The following WDR11 variants were observed in gnomAD, a reference collection of about 807,000 sequenced individuals.
WDR11 encodes WD repeat-containing protein 11.
Under a neutral mutation model 151.2 loss-of-function variants are expected in WDR11, and 83 were observed. The ratio of observed to expected loss-of-function variants is 0.55; its 90% CI spans 0.46 to 0.66. WDR11 has a LOEUF of 0.66. Among genes scored for constraint, WDR11 ranks in the 30% least tolerant of loss-of-function variants. The probability of loss-of-function intolerance (pLI) is 0.00; values close to 1 mark genes in which losing one functional copy is unlikely to be tolerated. For missense variants in WDR11, 1,301 were observed against 1,480.9 expected (o/e 0.88, Z 1.99); for synonymous variants, 484 against 533.1 (o/e 0.91, Z 1.27).
chr10:120,906,987 T>TGG, intron 28 of WDR11, 132 bp downstream of exon 28: 1 of 1,386,988 alleles, frequency 7.2e-7, no homozygotes, highest in Non-Finnish European at 1.0e-6. Flanking sequence ...GATTTTCTGA[T>TGG]TCACCAAAGC....
chr10:120,854,410 A>T (rs1845880405), intron 2 of WDR11, among the ~76,000 whole-genome samples: 1 of 152,188 alleles, frequency 6.6e-6, no homozygotes, highest in Admixed American at 6.5e-5. Flanking sequence ...CATTTATTTT[A>T]TTGATGGACA....
chr10:120,887,327 G>T (rs1216075693), intron 16 of WDR11, among the ~76,000 whole-genome samples: 1 of 152,132 alleles, frequency 6.6e-6, no homozygotes, highest in Non-Finnish European at 1.5e-5. Flanking sequence ...TTATGGCCTT[G>T]TGGAATCTGT....
At chr10:120,873,660 T>C (rs191550730) in intron 10 of WDR11, among the ~76,000 whole-genome samples, 179 bp from the exon 11 acceptor site, 9 of 152,214 alleles carry the variant, frequency 5.9e-5, no homozygotes, top group Admixed American at 1.3e-4. Context: ...CCATTTTTTT[T>C]ATAAGGAAGT....
At chr10:120,857,098 AT>A (rs1321922988) in intron 2 of WDR11, among the ~76,000 whole-genome samples, 1 of 151,968 alleles carries the variant, frequency 6.6e-6, no homozygotes, top group East Asian at 1.9e-4. Context: ...ATATGTATGT[AT>A]TTTTTGCAAG....
intron 17 of WDR11, chr10:120,889,664 G>C: frequency 1.8e-6 from 1 of 542,664 alleles, no homozygotes; most frequent in South Asian, 2.0e-5. Flanking sequence ...GATGGGCCTT[G>C]AGCCAAGCAT....
At chr10:120,864,417 C>A (rs1325962068) in intron 5 of WDR11, among the ~76,000 whole-genome samples, 1 of 152,128 alleles carries the variant, frequency 6.6e-6, no homozygotes, top group Non-Finnish European at 1.5e-5. Context: ...ATGTATGCAA[C>A]AATCACAAAT....
rs773796070 is a variant in WDR11, at chr10:120,908,623, A to G, written c.3585A>G (p.Gly1195=). 2 of 1,614,060 alleles carry G rather than the reference A, an allele frequency of 1.2e-6. No individual in the cohort carries two copies. Among genetic ancestry groups the G allele is most frequent in the Non-Finnish European group, 1.7e-6 (2 of 1,180,032 alleles). ...TGAAGAACCTCGGTTTTAAGCAGGG[A>G]GCAGTTCTCTTTGCTTCAAAAGCCG... is the stretch of plus-strand genomic sequence containing the variant. ...RSLKNLGFKQ[G]AVLFASKAGA... The change falls in exon 29 of 29, where the codon GGA becomes GGG. Residue 1195 remains glycine (G), a synonymous_variant. Coordinates refer to ENST00000263461, the MANE Select transcript of WDR11 (RefSeq NM_018117.12).
intron 17 of WDR11, 150 bp from the exon 18 acceptor site, chr10:120,889,745 T>C: frequency 1.5e-6 from 1 of 683,500 alleles, no homozygotes. Context: ...AGGCCCTTTC[T>C]GTCAGATGTG....
intron 23 of WDR11, 121 bp downstream of exon 23, chr10:120,903,353 C>T (rs1847902902): frequency 5.5e-6 from 7 of 1,280,776 alleles, no homozygotes; most frequent in South Asian, 1.3e-5. Context: ...GAAATAAGCC[C>T]TTGAAAATTA....
rs745654343 is a variant in WDR11, at chr10:120,867,099, G to C, written c.1224G>C (p.Val408=). ...SSGVSPLYSP[V]SFCGIPVGVL... is the part of the protein sequence containing the mutation. ...GTGTGTCACCTTTATATTCACCAGT[G>C]TCTTTCTGTGGAATTCCTGTAGGAG... Residue 408 remains valine (V), a synonymous_variant, in exon 9 of 29, where the codon GTG becomes GTC. Transcript: ENST00000263461. The C allele has an allele frequency of 6.2e-7, 1 of 1,613,804 alleles. No individual in the cohort carries two copies. The highest frequency in any genetic ancestry group is 8.5e-7 in the Non-Finnish European group (1 of 1,179,888).
intron 24 of WDR11, 108 bp from the exon 25 acceptor site, chr10:120,904,538 C>T: frequency 7.4e-7 from 1 of 1,348,496 alleles, no homozygotes; most frequent in South Asian, 1.2e-5. Context: ...TATTCAATTG[C>T]ATTTTTTGAA....
At chr10:120,870,337 A>T (rs1035492561) in intron 9 of WDR11, among the ~76,000 whole-genome samples, 3 of 152,202 alleles carry the variant, frequency 2.0e-5, no homozygotes, top group Non-Finnish European at 2.9e-5. Flanking sequence ...ATGTATGTAT[A>T]TACTCATGCA....
intron 15 of WDR11, 92 bp from the exon 16 acceptor site, chr10:120,886,597 A>G (rs1260795041): frequency 6.6e-7 from 1 of 1,506,092 alleles, no homozygotes; most frequent in South Asian, 1.2e-5. Context: ...ACCTCCTCTT[A>G]ATGCGTCTGT....
At chr10:120,895,556 C>T (rs149876565) in intron 19 of WDR11, among the ~76,000 whole-genome samples, 25 of 151,370 alleles carry the variant, frequency 1.7e-4, no homozygotes, top group Middle Eastern at 3.4e-3. Context: ...TAAGAATAAA[C>T]GAAAGTGTTC....
intron 14 of WDR11, among the ~76,000 whole-genome samples, chr10:120,885,473 C>G (rs542962681): frequency 4.6e-5 from 7 of 151,836 alleles, no homozygotes; most frequent in South Asian, 2.1e-4. Flanking sequence ...GATAAAGGAC[C>G]CTGGTTCGAG....
rs7097898 is a variant in WDR11, at chr10:120,890,157, A to C, written c.2343+148A>C. 220,436 of 619,412 alleles carry C rather than the reference A, an allele frequency of 0.36. 40,164 individuals are homozygous for C. The highest frequency in any genetic ancestry group is 0.48 in the Admixed American group (19,072 of 39,958). 38.4% of individuals were successfully genotyped at this position (619,412 alleles called of 1,614,324 possible). On this transcript the variant is annotated intron_variant, in intron 18 of 28. Transcript: ENST00000263461. Reference sequence around the variant, plus strand: ...TAACAAATTATTTTCTTTACTTTACAGTATTTGTGTTCTAAAGGTAACAAC... The same window carrying C: ...TAACAAATTATTTTCTTTACTTTACCGTATTTGTGTTCTAAAGGTAACAAC...
chr10:120,871,409 T>C (rs1042418421), intron 10 of WDR11, 63 bp downstream of exon 10: 63 of 1,496,546 alleles, frequency 4.2e-5, no homozygotes, highest in Non-Finnish European at 5.6e-5. Context: ...GGTTTTCTAG[T>C]TTCTAGAAGA....
chr10:120,851,656 A>AT (rs1404716721), intron 1 of WDR11, 150 bp downstream of exon 1: 20 of 913,400 alleles, frequency 2.2e-5, no homozygotes, highest in African/African-American at 3.3e-5. Flanking sequence ...CAGTTGGTGG[A>AT]TTTTTGTTGT....
At chr10:120,884,236 A>C (rs1358763855) in intron 14 of WDR11, among the ~76,000 whole-genome samples, 1 of 152,148 alleles carries the variant, frequency 6.6e-6, no homozygotes, top group Admixed American at 6.5e-5. Flanking sequence ...GGCCCTTCCT[A>C]CCTGATATTA....
Sources: allele counts gnomAD v4.1 joint callset (sites outside exome capture counted in the v4.1 genomes callset), GRCh38; gene constraint gnomAD v4.1.1; transcripts MANE v1.5; gene names NCBI Gene and HGNC (gene_info 2026-07-23, HGNC 2026-07-21).